Variants in ERC1 observed in about 807,000 individuals in gnomAD.
ERC1 encodes RAB6 interacting protein 2.
Under a neutral mutation model 132.0 loss-of-function variants are expected in ERC1, and 56 were observed. That is an observed-to-expected ratio of 0.42 (90% CI 0.34 to 0.53). The LOEUF is 0.53. ERC1 is among the 20% of genes least tolerant of loss of function. The probability of loss-of-function intolerance (pLI) is 0.03; values close to 1 mark genes in which losing one functional copy is unlikely to be tolerated. For synonymous variants in ERC1, 478 were observed against 476.1 expected (o/e 1.00, Z -0.05); for missense variants, 1,202 against 1,349.9 (o/e 0.89, Z 1.72).
chr12:1,190,890 A>ATTT (rs59555156), intron 12 of ERC1, among the ~76,000 whole-genome samples: 32 of 148,570 alleles, frequency 2.2e-4, no homozygotes, highest in African/African-American at 7.4e-4. Flanking sequence ...CTTAAGAATA[A>ATTT]TTTTTTTTTT....
At position 1,478,927 on chromosome 12, in the gene ERC1, T is replaced by C. The variant is rs534531837; in HGVS notation, c.3214-11166T>C. Reference sequence around the variant, plus strand: ...CTTTACATTCCCTAAAGATGGTCTCTTACATTTTCTTGTAAATGCTTTATT... The same window carrying C: ...CTTTACATTCCCTAAAGATGGTCTCCTACATTTTCTTGTAAATGCTTTATT... On this transcript the variant is annotated intron_variant, in intron 18 of 18. Transcript: ENST00000360905. 7.2e-5 allele frequency among the ~76,000 whole-genome samples: 11 copies of C among 152,346 alleles called. No individual in the cohort carries two copies. The South Asian group carries it at 2.1e-3, about 29-fold the overall frequency.
At chr12:1,484,844 A>G (rs142258494) in intron 18 of ERC1, among the ~76,000 whole-genome samples, 2,498 of 151,812 alleles carry the variant, frequency 0.016, 63 homozygotes, top group African/African-American at 0.057. Flanking sequence ...CAGCCTCCCA[A>G]AGTGCTGGGA....
chr12:1,270,468 A>G (rs551849705), intron 14 of ERC1, among the ~76,000 whole-genome samples: 2 of 152,268 alleles, frequency 1.3e-5, no homozygotes, highest in African/African-American at 4.8e-5. Flanking sequence ...TCTGCCTCCC[A>G]AAGTGCTGGG....
intron 1 of ERC1, among the ~76,000 whole-genome samples, chr12:1,000,914 C>G (rs529936083): frequency 1.6e-4 from 24 of 152,056 alleles, no homozygotes; most frequent in African/African-American, 5.8e-4. Context: ...TTTTAATTAA[C>G]TTTTTTGTTT....
chr12:1,279,674 A>ATTTTTTT (rs1216401139), intron 14 of ERC1, among the ~76,000 whole-genome samples: 1 of 131,024 alleles, frequency 7.6e-6, no homozygotes, highest in Non-Finnish European at 1.7e-5. Context: ...TTTTTTTTTA[A>ATTTTTTT]TTTTATTTTA....
At chr12:1,289,124 CACACACAT>C (rs1289367098) in intron 14 of ERC1, among the ~76,000 whole-genome samples, 1 of 143,008 alleles carries the variant, frequency 7.0e-6, no homozygotes, top group Non-Finnish European at 1.5e-5. Flanking sequence ...CACACACACA[CACACACAT>C]AACTATATAG....
intron 11 of ERC1, 38 bp from the exon 12 acceptor site, chr12:1,189,819 CTG>C: frequency 6.7e-7 from 1 of 1,500,128 alleles, no homozygotes; most frequent in Non-Finnish European, 9.0e-7. Flanking sequence ...CCATTGCCAC[CTG>C]TGTGTATCTG....
chr12:1,361,204 A>T (rs927685564), intron 15 of ERC1, among the ~76,000 whole-genome samples: 2 of 137,826 alleles, frequency 1.5e-5, no homozygotes, highest in South Asian at 2.4e-4. Context: ...ACTAAAAAAA[A>T]TTGCCTGTTT....
Position 995,736 on chromosome 12 carries a change from G to C in ERC1, c.-157+4414G>C, listed in dbSNP as rs574301728. 3.9e-5 allele frequency among the ~76,000 whole-genome samples: 6 copies of C among 152,222 alleles called. 1 individual carries two copies. In the South Asian group the frequency reaches 1.0e-3, roughly 26 times the overall value. The stretch of plus-strand genomic sequence containing the variant: ...TTACTTAGTGAGTATGGTTCTTCTA[G>C]GTACCTTTTTAGGCATTGGGGATAT... On this transcript the variant is annotated intron_variant, in intron 1 of 18. Transcript: ENST00000360905.
At chr12:1,199,954 T>TTCC (rs1956754461) in intron 12 of ERC1, among the ~76,000 whole-genome samples, 4 of 152,154 alleles carry the variant, frequency 2.6e-5, no homozygotes, top group African/African-American at 9.6e-5. Context: ...TGAGGTCATT[T>TTCC]TCCTATCATG....
chr12:1,015,001 T>C (rs1014495984), intron 1 of ERC1, among the ~76,000 whole-genome samples: 1 of 151,956 alleles, frequency 6.6e-6, no homozygotes, highest in Non-Finnish European at 1.5e-5. Flanking sequence ...TGATCTCAAG[T>C]GATCTGCCCT....
rs35597759 is a variant in ERC1, at chr12:1,041,209, CTT to C, written c.669+12651_669+12652del. ...AAAACAGTTTTGCAAGTCTCTCTTT[CTT>C]TTTTTTTTTTTTTGAGACAGAGCCT... On this transcript the variant is annotated intron_variant, in intron 2 of 18. Transcript: ENST00000360905. Among the ~76,000 whole-genome samples, 194 of 142,232 alleles carry C rather than the reference CTT, an allele frequency of 1.4e-3. 1 individual carries two copies. The highest frequency in any genetic ancestry group is 0.013 in the East Asian group (62 of 4,860). The allele number at this position is 142,232 out of a possible 152,430, so 93.3% of individuals were successfully genotyped here.
At chr12:1,004,972 C>T (rs988159003) in intron 1 of ERC1, among the ~76,000 whole-genome samples, 2 of 151,722 alleles carry the variant, frequency 1.3e-5, no homozygotes, top group South Asian at 2.1e-4. Flanking sequence ...ATTAATGGTC[C>T]CAGAGACTCA....
At chr12:991,589 C>G (rs1959296099) in intron 1 of ERC1, 1 of 148,944 alleles carries the variant, frequency 6.7e-6, no homozygotes, top group East Asian at 2.0e-4. Flanking sequence ...TCCACCCAGC[C>G]GGGCTCCGGG....
intron 15 of ERC1, among the ~76,000 whole-genome samples, chr12:1,356,519 T>C (rs1595202753): frequency 2.0e-5 from 3 of 152,322 alleles, no homozygotes; most frequent in African/African-American, 7.2e-5. Flanking sequence ...TGCTTTACTA[T>C]TTTGAGCATA....
intron 15 of ERC1, among the ~76,000 whole-genome samples, chr12:1,331,440 G>A (rs2082853845): frequency 6.6e-6 from 1 of 152,276 alleles, no homozygotes; most frequent in South Asian, 2.1e-4. Flanking sequence ...TGGAGACAGA[G>A]CCCATTTAGT....
intron 15 of ERC1, among the ~76,000 whole-genome samples, chr12:1,368,297 G>C (rs968111224): frequency 6.6e-6 from 1 of 152,036 alleles, no homozygotes; most frequent in Non-Finnish European, 1.5e-5. Context: ...TTATAAAAAA[G>C]AATTACTTCT....
At chr12:993,891 G>T (rs930078611) in intron 1 of ERC1, among the ~76,000 whole-genome samples, 1 of 151,704 alleles carries the variant, frequency 6.6e-6, no homozygotes, top group African/African-American at 2.4e-5. Flanking sequence ...TACAGAGCGA[G>T]ATTCCATCTC....
At chr12:1,002,160 CTTTTTTTTTTTT>C (rs71055117) in intron 1 of ERC1, among the ~76,000 whole-genome samples, 7 of 38,482 alleles carry the variant, frequency 1.8e-4, no homozygotes, top group African/African-American at 4.4e-4. Context: ...CCATGCCCGG[CTTTTTTTTTTTT>C]TTTTTTTTTT....
Sources: allele counts gnomAD v4.1 joint callset (sites outside exome capture counted in the v4.1 genomes callset), GRCh38; gene constraint gnomAD v4.1.1; transcripts MANE v1.5; gene names NCBI Gene and HGNC (gene_info 2026-07-23, HGNC 2026-07-21).